SHCBP1L: variants seen among roughly 807,000 people sequenced by gnomAD.
SHCBP1L encodes SHC binding and spindle associated 1 like, also known as testicular spindle-associated protein SHCBP1L.
A neutral mutation model predicts 62.5 loss-of-function variants in SHCBP1L; 67 were observed. The observed-to-expected ratio is 1.07, with a 90% CI of 0.88 to 1.31. The LOEUF (loss-of-function observed/expected upper bound fraction) is 1.31, where lower values mean the gene tolerates loss of function less well. Among genes scored for constraint, SHCBP1L ranks in the 40% most tolerant of loss-of-function variants. The pLI, the probability that SHCBP1L is intolerant of heterozygous loss-of-function variation, is 0.00. For missense variants in SHCBP1L, 823 were observed against 809.8 expected, an observed-to-expected ratio of 1.02 and a Z score of -0.20; for synonymous variants, 284 against 289.4, an observed-to-expected ratio of 0.98 and a Z score of 0.19.
At chr1:182,901,584 A>G (rs1414927867) in intron 9 of SHCBP1L, among the ~76,000 whole-genome samples, 1 of 152,232 alleles carries the variant, frequency 6.6e-6, no homozygotes, top group Non-Finnish European at 1.5e-5. Context: ...GAAGGAGATT[A>G]CGTTGGAGAA....
chr1:182,918,123 C>CGT (rs562390772), intron 6 of SHCBP1L, among the ~76,000 whole-genome samples: 1 of 142,752 alleles, frequency 7.0e-6, no homozygotes, highest in African/African-American at 2.6e-5. Context: ...CACATATATA[C>CGT]GTGTGTGTGT....
At chr1:182,944,957 CTTTTT>C (rs11309339) in intron 2 of SHCBP1L, among the ~76,000 whole-genome samples, 2 of 109,074 alleles carry the variant, frequency 1.8e-5, no homozygotes, top group Admixed American at 9.8e-5. Flanking sequence ...TTCTTTCTTT[CTTTTT>C]TTTTTTTTTT....
chr1:182,948,162 CTG>C (rs1262370133), intron 2 of SHCBP1L, among the ~76,000 whole-genome samples: 6 of 152,210 alleles, frequency 3.9e-5, no homozygotes, highest in Non-Finnish European at 2.9e-5. Context: ...GGATTTTTGA[CTG>C]TGCAGGGCCC....
chr1:182,934,935 TC>T (rs1350884507), intron 5 of SHCBP1L, among the ~76,000 whole-genome samples: 1 of 152,128 alleles, frequency 6.6e-6, no homozygotes, highest in East Asian at 1.9e-4. Context: ...CTATTACATT[TC>T]TTTTGCCCTT....
chr1:182,924,705 A>AAAGGAAAGGAAAGGAAGGG (rs1571345911), intron 6 of SHCBP1L, among the ~76,000 whole-genome samples: 22 of 31,384 alleles, frequency 7.0e-4, no homozygotes, highest in Middle Eastern at 0.016. Flanking sequence ...GGAAAGGAAG[A>AAAGGAAAGGAAAGGAAGGG]AAGAAAGAAA....
intron 6 of SHCBP1L, among the ~76,000 whole-genome samples, chr1:182,929,099 A>G (rs775358199): frequency 6.6e-6 from 1 of 152,168 alleles, no homozygotes; most frequent in Non-Finnish European, 1.5e-5. Flanking sequence ...AGTGAAATGA[A>G]AATATTTGCT....
In SHCBP1L at chr1:182,951,324, C is replaced by A. The variant is rs1401456935; in HGVS notation, c.549G>T (p.Leu183Phe). The stretch of plus-strand genomic sequence containing the variant: ...TCAAATAAAATTTATTTACCTCAAC[C>A]AATATACCAACAAAAGGGATAGAAG... Reference protein sequence around the residue: ...EEASIPFVGILVEVTCEPYQD... With the variant: ...EEASIPFVGIFVEVTCEPYQD... Residue 183 changes from leucine (L) to phenylalanine (F), a missense_variant, in exon 2 of 10, where the codon TTG becomes TTT. Coordinates refer to ENST00000367547, the MANE Select transcript of SHCBP1L (RefSeq NM_030933.4). The A allele has an allele frequency of 1.9e-6, 3 of 1,562,580 alleles. No individual in the cohort carries two copies. Among genetic ancestry groups the A allele is most frequent in the Middle Eastern group, 1.7e-4 (1 of 5,820 alleles).
At chr1:182,952,579 C>G (rs1167908874) in intron 1 of SHCBP1L, 150 bp downstream of exon 1, 5 of 907,714 alleles carry the variant, frequency 5.5e-6, no homozygotes, top group Admixed American at 6.6e-5. Flanking sequence ...GGTGAACGCT[C>G]TATACATGTT....
intron 6 of SHCBP1L, among the ~76,000 whole-genome samples, chr1:182,920,412 A>T (rs999488131): frequency 1.3e-5 from 2 of 152,204 alleles, no homozygotes; most frequent in African/African-American, 4.8e-5. Context: ...AGAATATAAA[A>T]GCAAAAAAAC....
At chr1:182,913,491 T>C (rs1036302552) in intron 6 of SHCBP1L, among the ~76,000 whole-genome samples, 1 of 152,198 alleles carries the variant, frequency 6.6e-6, no homozygotes, top group African/African-American at 2.4e-5. Context: ...ATTCTTGTTT[T>C]GTTGTGAAAA....
intron 2 of SHCBP1L, among the ~76,000 whole-genome samples, chr1:182,941,185 G>A (rs1651350614): frequency 8.9e-6 from 1 of 111,912 alleles, no homozygotes; most frequent in East Asian, 2.9e-4. Flanking sequence ...ACAAACAAAA[G>A]CATGTTAAAA....
Position 182,951,374 on chromosome 1 carries a change from C to CTTTGTG in SHCBP1L, c.498_499insCACAAA (p.Ser166_Val167insHisLys). ...GCTTCTTCATATTTCACAAAGAATA[C>CTTTGTG]ACTGGGATTAGTCTTCCAGACTCCA... On this transcript the variant is annotated inframe_insertion, in exon 2 of 10. Coordinates refer to ENST00000367547, the MANE Select transcript of SHCBP1L (RefSeq NM_030933.4). The CTTTGTG allele has an allele frequency of 2.5e-6, 4 of 1,609,140 alleles. No individual in the cohort carries two copies. Among genetic ancestry groups the CTTTGTG allele is most frequent in the Non-Finnish European group, 2.5e-6 (3 of 1,177,318 alleles).
chr1:182,903,240 G>A (rs550293732), intron 8 of SHCBP1L, 79 bp from the exon 9 acceptor site: 71 of 1,281,186 alleles, frequency 5.5e-5, no homozygotes, highest in East Asian at 4.2e-4. Flanking sequence ...CTTGAAAATC[G>A]TAATTCTGTA....
chr1:182,904,534 CGTGTGTGTGTGTGTGT>C lies in SHCBP1L; in HGVS notation c.1337-120_1337-105del, dbSNP rs61031217. On this transcript the variant is annotated intron_variant, in intron 7 of 9. Transcript: ENST00000367547. Reference sequence around the variant, plus strand: ...TGTTACTAAAGTTTTTCCCTGTGTGCGTGTGTGTGTGTGTGTGTGTGTGTGTGTGTGTGTGTGTGTG... The same window carrying C: ...TGTTACTAAAGTTTTTCCCTGTGTGCGTGTGTGTGTGTGTGTGTGTGTGTG... 564 of 599,796 alleles carry C rather than the reference CGTGTGTGTGTGTGTGT, an allele frequency of 9.4e-4. 1 individual carries two copies. In the East Asian group the frequency reaches 0.016, roughly 17 times the overall value. 37.2% of individuals were successfully genotyped at this position (599,796 alleles called of 1,614,324 possible).
At chr1:182,902,981 G>A (rs1649889150) in intron 9 of SHCBP1L, 58 bp downstream of exon 9, 3 of 1,326,896 alleles carry the variant, frequency 2.3e-6, no homozygotes, top group Admixed American at 2.5e-5. Flanking sequence ...TAATATTTTA[G>A]TACTTATAAT....
In SHCBP1L at chr1:182,952,979, G is replaced by T; in HGVS notation, c.155C>A (p.Ala52Asp). Residue 52 changes from alanine (A) to aspartate (D), a missense_variant, in exon 1 of 10, where the codon GCC (alanine) becomes GAC (aspartate). Coordinates refer to ENST00000367547, the MANE Select transcript of SHCBP1L (RefSeq NM_030933.4). ...GTAIPVRSVV[A>D]SPRPVKGKAG... ...TTTCCCCTTCACCGGGCGAGGGGAG[G>T]CCACCACCGACCGCACTGGGATCGC... 1 of 1,543,546 alleles carries T rather than the reference G, an allele frequency of 6.5e-7. No individual in the cohort carries two copies.
intron 6 of SHCBP1L, 76 bp from the exon 7 acceptor site, chr1:182,905,725 G>T: frequency 7.2e-7 from 1 of 1,389,470 alleles, no homozygotes; most frequent in African/African-American, 1.5e-5. Flanking sequence ...GTTACTTACT[G>T]GACAAGTACT....
chr1:182,931,828 A>T (rs1310027487), intron 5 of SHCBP1L, among the ~76,000 whole-genome samples: 1 of 151,420 alleles, frequency 6.6e-6, no homozygotes, highest in Non-Finnish European at 1.5e-5. Flanking sequence ...CCATTATAGG[A>T]GTTTGGACAA....
chr1:182,939,062 G>T, intron 5 of SHCBP1L, 114 bp downstream of exon 5: 3 of 755,666 alleles, frequency 4.0e-6, no homozygotes, highest in Non-Finnish European at 6.3e-6. Flanking sequence ...TCATAAATTA[G>T]ACATCTAATT....
Sources: allele counts gnomAD v4.1 joint callset (sites outside exome capture counted in the v4.1 genomes callset), GRCh38; gene constraint gnomAD v4.1.1; transcripts MANE v1.5; gene names NCBI Gene and HGNC (gene_info 2026-07-23, HGNC 2026-07-21).